The following CFI variants were observed in gnomAD, a reference collection of about 807,000 sequenced individuals.
CFI encodes C3B/C4B inactivator.
Under a neutral mutation model 78.8 loss-of-function variants are expected in CFI, and 66 were observed. The ratio of observed to expected loss-of-function variants is 0.84; its 90% CI spans 0.69 to 1.03. CFI has a LOEUF of 1.03. CFI is among the 50% of genes least tolerant of loss of function. The pLI is 0.00. For missense variants in CFI, 706 were observed against 704.5 expected, an observed-to-expected ratio of 1.00 and a Z score of -0.02; for synonymous variants, 250 against 232.6, an observed-to-expected ratio of 1.07 and a Z score of -0.68.
At chr4:109,775,763 A>C (rs1427042052) in intron 1 of CFI, among the ~76,000 whole-genome samples, 1 of 152,098 alleles carries the variant, frequency 6.6e-6, no homozygotes, top group Non-Finnish European at 1.5e-5. Context: ...GCTGACTGAC[A>C]CCTCATACAG....
chr4:109,757,579 G>A (rs1258750262), intron 7 of CFI, among the ~76,000 whole-genome samples, 184 bp downstream of exon 7: 2 of 152,144 alleles, frequency 1.3e-5, no homozygotes, highest in Admixed American at 1.3e-4. Flanking sequence ...TGGATGGGGT[G>A]TGTGAGAGTG....
chr4:109,793,103 C>T (rs1731586460), intron 1 of CFI, among the ~76,000 whole-genome samples: 1 of 152,018 alleles, frequency 6.6e-6, no homozygotes, highest in Non-Finnish European at 1.5e-5. Context: ...TTTCAGTTCT[C>T]TCTTTATTTC....
intron 1 of CFI, among the ~76,000 whole-genome samples, chr4:109,799,529 T>C (rs1053554578): frequency 6.6e-6 from 1 of 152,170 alleles, no homozygotes; most frequent in African/African-American, 2.4e-5. Context: ...TTATATACTT[T>C]CCCATGGAAG....
chr4:109,746,074 C>T, intron 11 of CFI, 148 bp downstream of exon 11: 1 of 945,174 alleles, frequency 1.1e-6, no homozygotes, highest in African/African-American at 1.6e-5. Flanking sequence ...ATGCTGCAAA[C>T]CCATGAAGCC....
At position 109,746,465 on chromosome 4, in the gene CFI, C is replaced by G; in HGVS notation, c.1186G>C (p.Val396Leu). The G allele has an allele frequency of 6.2e-7, 1 of 1,613,146 alleles. No homozygotes were observed. The highest frequency in any genetic ancestry group is 8.5e-7 in the Non-Finnish European group (1 of 1,179,614). The change falls in exon 11 of 13, where the codon GTA becomes CTA. Residue 396 changes from valine to leucine, a missense_variant. Coordinates refer to ENST00000394634, the MANE Select transcript of CFI (RefSeq NM_000204.5). ...AGGTCGGGGTGTATCCAGTCTACTA[C>G]TGTTGTCCATATTTGGTAACGATGA... ...KTHRYQIWTT[V>L]VDWIHPDLKR... is the part of the protein sequence containing the mutation.
chr4:109,782,381 C>G (rs533710342), intron 1 of CFI, among the ~76,000 whole-genome samples: 3 of 148,562 alleles, frequency 2.0e-5, no homozygotes. Flanking sequence ...ACACCAACAG[C>G]GACCAAGCAC....
intron 12 of CFI, chr4:109,742,102 A>G (rs922879375): frequency 1.5e-5 from 3 of 196,224 alleles, no homozygotes; most frequent in African/African-American, 7.0e-5. Flanking sequence ...TCTTGTCTGT[A>G]AGACTTTGGA....
At chr4:109,758,525 A>T (rs1012474694) in intron 6 of CFI, among the ~76,000 whole-genome samples, 6 of 152,180 alleles carry the variant, frequency 3.9e-5, no homozygotes, top group African/African-American at 1.4e-4. Context: ...GTAAAAGGAA[A>T]AAATGAAGCA....
chr4:109,780,422 A>T (rs1388110947), intron 1 of CFI, among the ~76,000 whole-genome samples: 1 of 152,234 alleles, frequency 6.6e-6, no homozygotes, highest in African/African-American at 2.4e-5. Context: ...GCCATCAGAG[A>T]AATGCAAATC....
chr4:109,763,990 T>C (rs530524155), intron 3 of CFI, among the ~76,000 whole-genome samples: 171 of 148,616 alleles, frequency 1.2e-3, no homozygotes, highest in Non-Finnish European at 1.9e-3. Context: ...ATATATACTA[T>C]AATTATAGTA....
intron 10 of CFI, among the ~76,000 whole-genome samples, chr4:109,747,064 G>A (rs1243668991): frequency 6.6e-6 from 1 of 152,130 alleles, no homozygotes; most frequent in African/African-American, 2.4e-5. Flanking sequence ...GTGCAGCCCT[G>A]GTGCCTACTA....
At chr4:109,797,463 A>G (rs1222858204) in intron 1 of CFI, among the ~76,000 whole-genome samples, 1 of 152,236 alleles carries the variant, frequency 6.6e-6, no homozygotes. Context: ...ACCTGAAATC[A>G]TAAAACTTTT....
chr4:109,780,225 G>A (rs1443746233), intron 1 of CFI, among the ~76,000 whole-genome samples: 1 of 152,092 alleles, frequency 6.6e-6, no homozygotes, highest in African/African-American at 2.4e-5. Flanking sequence ...CAGAATGGGA[G>A]AAAATTTTTG....
intron 11 of CFI, 56 bp downstream of exon 11, chr4:109,746,165 CT>C: frequency 6.3e-7 from 1 of 1,584,264 alleles, no homozygotes; most frequent in Non-Finnish European, 8.7e-7. Flanking sequence ...CTATACATTT[CT>C]ATTCTCTTTC....
intron 1 of CFI, among the ~76,000 whole-genome samples, chr4:109,777,735 A>G (rs1168920937): frequency 6.6e-6 from 1 of 152,210 alleles, no homozygotes; most frequent in African/African-American, 2.4e-5. Context: ...GTTGGAAGTA[A>G]AGCACTCCTC....
At chr4:109,756,715 C>G (rs930068991) in intron 7 of CFI, among the ~76,000 whole-genome samples, 3 of 151,330 alleles carry the variant, frequency 2.0e-5, no homozygotes, top group Non-Finnish European at 2.9e-5. Flanking sequence ...CAAAAATTAG[C>G]CAGGTGTGGT....
At position 109,773,294 on chromosome 4, in the gene CFI, G is replaced by A. The variant is rs368671653; in HGVS notation, c.58-6470C>T. Among the ~76,000 whole-genome samples, 10 of 152,318 alleles carry A rather than the reference G, an allele frequency of 6.6e-5. No homozygotes were observed. In the South Asian group the frequency reaches 1.0e-3, roughly 16 times the overall value. ...TGTAATCCCAGCACTTTGGGAGGCT[G>A]AGGCAGGTGGATCACAAAGTCAGGA... On this transcript the variant is annotated intron_variant, in intron 1 of 12. Transcript: ENST00000394634.
At chr4:109,781,809 C>A (rs897358079) in intron 1 of CFI, among the ~76,000 whole-genome samples, 1 of 152,098 alleles carries the variant, frequency 6.6e-6, no homozygotes, top group African/African-American at 2.4e-5. Context: ...AGATAATCTA[C>A]CATGATCAAG....
At chr4:109,765,646 C>T (rs1560545388) in intron 2 of CFI, among the ~76,000 whole-genome samples, 1 of 152,142 alleles carries the variant, frequency 6.6e-6, no homozygotes, top group African/African-American at 2.4e-5. Context: ...AGGGCCCCAG[C>T]CTCCTCAGCA....
Sources: allele counts gnomAD v4.1 joint callset (sites outside exome capture counted in the v4.1 genomes callset), GRCh38; gene constraint gnomAD v4.1.1; transcripts MANE v1.5; gene names NCBI Gene and HGNC (gene_info 2026-07-23, HGNC 2026-07-21).